Variants in ART1 observed in about 807,000 individuals in gnomAD.
ART1 encodes GPI-linked NAD(P)(+)--arginine ADP-ribosyltransferase 1.
A neutral mutation model predicts 27.0 loss-of-function variants in ART1; 29 were observed. The observed-to-expected ratio is 1.08, with a 90% CI of 0.80 to 1.47. ART1 has a LOEUF of 1.47. Among genes scored for constraint, ART1 ranks in the 40% most tolerant of loss-of-function variants. ART1 has a pLI of 0.00. For synonymous variants in ART1, 201 were observed against 172.2 expected, an observed-to-expected ratio of 1.17 and a Z score of -1.31; for missense variants, 480 against 423.0, an observed-to-expected ratio of 1.13 and a Z score of -1.18.
chr11:3,658,875 T>C (rs560500397), intron 1 of ART1, among the ~76,000 whole-genome samples: 1 of 152,262 alleles, frequency 6.6e-6, no homozygotes, highest in East Asian at 1.9e-4. Context: ...CTCCAATACC[T>C]TTGCTTTTTC....
intron 1 of ART1, among the ~76,000 whole-genome samples, chr11:3,654,930 A>G (rs2077558087): frequency 6.6e-6 from 1 of 152,236 alleles, no homozygotes; most frequent in Non-Finnish European, 1.5e-5. Flanking sequence ...AGACAGAAAC[A>G]GAGCTGTGGA....
intron 4 of ART1, among the ~76,000 whole-genome samples, chr11:3,661,952 A>T (rs1380181880): frequency 6.6e-6 from 1 of 152,212 alleles, no homozygotes; most frequent in African/African-American, 2.4e-5. Flanking sequence ...TCCAGCCTGG[A>T]TCTGCCTATC....
chr11:3,653,691 A>C (rs1477059373), intron 1 of ART1, among the ~76,000 whole-genome samples: 1 of 152,106 alleles, frequency 6.6e-6, no homozygotes, highest in African/African-American at 2.4e-5. Context: ...CTGTGTTTCT[A>C]GTTTAAAGAA....
intron 1 of ART1, among the ~76,000 whole-genome samples, chr11:3,645,978 G>A (rs962694046): frequency 2.6e-5 from 4 of 152,078 alleles, no homozygotes; most frequent in Non-Finnish European, 5.9e-5. Context: ...TGGCAGGTGC[G>A]AGCCTGCAGA....
rs530987974 is a variant in ART1, at chr11:3,653,085, G to A, written c.-52-6077G>A. 1.8e-4 allele frequency among the ~76,000 whole-genome samples: 27 copies of A among 148,006 alleles called. 2 individuals carry two copies. The East Asian group carries it at 5.1e-3, about 28-fold the overall frequency. ...TCGTTCAGCTTAATCTCTCCCACTC[G>A]AGGTTCCCACGCTGCCCCTAATCAA... On this transcript the variant is annotated intron_variant, in intron 1 of 4. Coordinates refer to ENST00000250693, the MANE Select transcript of ART1 (RefSeq NM_004314.3).
At position 3,664,184 on chromosome 11, in the gene ART1, C is replaced by T; in HGVS notation, c.979C>T (p.Leu327Phe). 6.2e-7 allele frequency: 1 copy of T among 1,613,728 alleles called. No homozygotes were observed. Among genetic ancestry groups the T allele is most frequent in the Admixed American group, 1.7e-5 (1 of 60,002 alleles). ...VRAFPDGPGLL is the reference protein window; with the variant it reads ...VRAFPDGPGLF ...GGCCTTTCCAGATGGTCCAGGCCTC[C>T]TTTGATGCATGAGACACGGGACAGC... is the stretch of plus-strand genomic sequence containing the variant. The change falls in exon 5 of 5, where the codon CTT becomes TTT. Residue 327 changes from leucine (L) to phenylalanine (F), a missense_variant. By Grantham distance (22) the Leu-to-Phe change is conservative (BLOSUM62 0). Coordinates refer to ENST00000250693, the MANE Select transcript of ART1 (RefSeq NM_004314.3).
chr11:3,648,441 C>T (rs1233049945), intron 1 of ART1, among the ~76,000 whole-genome samples: 2 of 152,188 alleles, frequency 1.3e-5, no homozygotes, highest in African/African-American at 4.8e-5. Context: ...AATATCTCAC[C>T]AATTTCAAAT....
chr11:3,658,797 G>A (rs1372689557), intron 1 of ART1, among the ~76,000 whole-genome samples: 2 of 152,034 alleles, frequency 1.3e-5, no homozygotes, highest in South Asian at 2.1e-4. Flanking sequence ...TCTTCCCAAC[G>A]TTCCTACCCC....
chr11:3,652,294 C>T (rs1350660302), intron 1 of ART1, among the ~76,000 whole-genome samples: 2 of 151,114 alleles, frequency 1.3e-5, no homozygotes, highest in African/African-American at 4.9e-5. Flanking sequence ...TTCTGTCAGA[C>T]ATAATTCCTC....
intron 1 of ART1, among the ~76,000 whole-genome samples, chr11:3,646,002 C>A (rs1167371427): frequency 6.6e-6 from 1 of 151,842 alleles, no homozygotes; most frequent in African/African-American, 2.4e-5. Context: ...TGCAGAGGGC[C>A]AGGATAAGGA....
chr11:3,647,196 G>T (rs1284717851), intron 1 of ART1, among the ~76,000 whole-genome samples: 2 of 152,184 alleles, frequency 1.3e-5, no homozygotes, highest in Middle Eastern at 3.4e-3. Context: ...GATGGCACAT[G>T]CCTGTAATCG....
chr11:3,652,417 C>A lies in ART1; in HGVS notation c.-52-6745C>A, dbSNP rs186963680. 7.8e-3 allele frequency among the ~76,000 whole-genome samples: 1,148 copies of A among 146,888 alleles called. 26 individuals are homozygous for A. Among genetic ancestry groups the A allele is most frequent in the East Asian group, 0.03 (153 of 5,086 alleles). ...TTCAGTGAAACCTTTATATCCCTTACGGTCCTCTGTCTTCAGGAAAAGTAG... is the reference window on the plus strand; with the variant it reads ...TTCAGTGAAACCTTTATATCCCTTAAGGTCCTCTGTCTTCAGGAAAAGTAG... On this transcript the variant is annotated intron_variant, in intron 1 of 4. Coordinates refer to ENST00000250693, the MANE Select transcript of ART1 (RefSeq NM_004314.3).
chr11:3,662,186 T>G (rs973764456), intron 4 of ART1, among the ~76,000 whole-genome samples: 1 of 152,256 alleles, frequency 6.6e-6, no homozygotes, highest in Non-Finnish European at 1.5e-5. Flanking sequence ...GTCCAGGCTC[T>G]GCTCTAACTT....
At chr11:3,653,464 C>A (rs1052550782) in intron 1 of ART1, among the ~76,000 whole-genome samples, 1 of 149,472 alleles carries the variant, frequency 6.7e-6, no homozygotes, top group African/African-American at 2.6e-5. Flanking sequence ...CAGAGAACAA[C>A]CCCCCTTTGA....
At chr11:3,648,182 G>A (rs1049916186) in intron 1 of ART1, among the ~76,000 whole-genome samples, 15 of 151,712 alleles carry the variant, frequency 9.9e-5, no homozygotes, top group African/African-American at 3.6e-4. Context: ...CCTATAAAAC[G>A]GCCCCACCCT....
rs368822308 is a variant in ART1, at chr11:3,653,624, C to T, written c.-52-5538C>T. Among the ~76,000 whole-genome samples, 11 of 152,296 alleles carry T rather than the reference C, an allele frequency of 7.2e-5. No individual in the cohort carries two copies. In the East Asian group the frequency reaches 9.6e-4, roughly 13 times the overall value. On this transcript the variant is annotated intron_variant, in intron 1 of 4. Coordinates refer to ENST00000250693, the MANE Select transcript of ART1 (RefSeq NM_004314.3). ...AAGCCTGTTTGGTGGTCTCTTCACA[C>T]GGACGCGCATGAAAAGAGGAGCTTC...
chr11:3,659,477 T>A (rs2077599852), intron 2 of ART1, 106 bp from the exon 3 acceptor site: 2 of 1,407,240 alleles, frequency 1.4e-6, no homozygotes, highest in African/African-American at 2.9e-5. Flanking sequence ...ACCAGGTGTG[T>A]TTGGGGCCCT....
At chr11:3,659,494 C>T (rs2077599922) in intron 2 of ART1, 89 bp from the exon 3 acceptor site, 17 of 1,469,540 alleles carry the variant, frequency 1.2e-5, no homozygotes, top group Non-Finnish European at 1.5e-5. Flanking sequence ...CCCTTCCTGC[C>T]TTTCTCAGTG....
intron 1 of ART1, 76 bp from the exon 2 acceptor site, chr11:3,659,086 A>C: frequency 1.2e-6 from 1 of 866,912 alleles, no homozygotes; most frequent in South Asian, 1.6e-5. Context: ...TCTCAGTGCC[A>C]AGCACTAGGA....
Sources: allele counts gnomAD v4.1 joint callset (sites outside exome capture counted in the v4.1 genomes callset), GRCh38; gene constraint gnomAD v4.1.1; transcripts MANE v1.5; gene names NCBI Gene and HGNC (gene_info 2026-07-23, HGNC 2026-07-21).